Variants in ELMOD3 observed in about 807,000 individuals in gnomAD.
The protein encoded by ELMOD3 is ELMO domain-containing protein 3.
ELMOD3 carries 36 observed loss-of-function variants against 47.4 expected under a neutral mutation model. The observed-to-expected ratio is 0.76, with a 90% confidence interval of 0.58 to 1.00. The LOEUF (loss-of-function observed/expected upper bound fraction) is 1.00, where lower values mean the gene tolerates loss of function less well. ELMOD3 is among the 50% of genes least tolerant of loss of function. The probability of loss-of-function intolerance (pLI) is 0.00; values close to 1 mark genes in which losing one functional copy is unlikely to be tolerated. For missense variants in ELMOD3, 404 were observed against 463.8 expected, an observed-to-expected ratio of 0.87 and a Z score of 1.18; for synonymous variants, 149 against 183.5, an observed-to-expected ratio of 0.81 and a Z score of 1.52.
At chr2:85,364,804 C>CAT (rs1224340659) in intron 6 of ELMOD3, among the ~76,000 whole-genome samples, 4,592 of 77,756 alleles carry the variant, frequency 0.059, 269 homozygotes, top group East Asian at 0.12. Flanking sequence ...ACTTTAAATA[C>CAT]ATATATATAT....
At chr2:85,365,304 C>T (rs1053115332) in intron 6 of ELMOD3, among the ~76,000 whole-genome samples, 2 of 150,610 alleles carry the variant, frequency 1.3e-5, no homozygotes, top group African/African-American at 2.4e-5. Context: ...GAACCGAGAT[C>T]GCACCACTGC....
rs1005463896 is a variant in ELMOD3, at chr2:85,390,827, G to A, written c.1011G>A (p.Arg337=). 1 of 1,551,618 alleles carries A rather than the reference G, an allele frequency of 6.4e-7. No homozygotes were observed. The highest frequency in any genetic ancestry group is 8.7e-7 in the Non-Finnish European group (1 of 1,147,008). Residue 337 remains arginine, a synonymous_variant, in exon 14 of 14, where the codon AGG becomes AGA. Coordinates refer to ENST00000409013, the MANE Select transcript of ELMOD3 (RefSeq NM_001135022.2). ...AGACCCTGGAGCTGTACTTGGCCAGGGTGTCAAAGGGACAGGCCTCCTTGT... is the reference window on the plus strand; with the variant it reads ...AGACCCTGGAGCTGTACTTGGCCAGAGTGTCAAAGGGACAGGCCTCCTTGT... ...LLKTLELYLA[R]VSKGQASLLG...
chr2:85,356,711 T>G (rs1008396135), intron 3 of ELMOD3: 1 of 152,480 alleles, frequency 6.6e-6, no homozygotes, highest in African/African-American at 2.4e-5. Flanking sequence ...TGAAACCCCA[T>G]CTCTACTAAA....
At chr2:85,368,783 A>G (rs777327264) in intron 7 of ELMOD3, 29 bp downstream of exon 7, 55 of 1,612,844 alleles carry the variant, frequency 3.4e-5, no homozygotes, top group Middle Eastern at 1.7e-4. Flanking sequence ...CTGTCTCCCC[A>G]TAGCCCCTCT....
intron 12 of ELMOD3, 70 bp downstream of exon 12, chr2:85,389,897 T>G: frequency 7.0e-7 from 1 of 1,438,764 alleles, no homozygotes; most frequent in Non-Finnish European, 9.8e-7. Context: ...CTGGCTTAAT[T>G]TTCCCCAGCT....
chr2:85,364,952 G>A (rs144976936), intron 6 of ELMOD3, among the ~76,000 whole-genome samples: 2 of 148,006 alleles, frequency 1.4e-5, no homozygotes, highest in East Asian at 4.0e-4. Context: ...GGGACTACAG[G>A]TGTGCACTAC....
intron 11 of ELMOD3, among the ~76,000 whole-genome samples, chr2:85,383,280 C>G (rs896160877): frequency 6.6e-5 from 10 of 151,792 alleles, no homozygotes; most frequent in Non-Finnish European, 1.5e-4. Context: ...AGGCGCCCAC[C>G]ACCACGCCTG....
chr2:85,370,809 C>T (rs796359491), intron 8 of ELMOD3, among the ~76,000 whole-genome samples: 7 of 152,344 alleles, frequency 4.6e-5, no homozygotes, highest in African/African-American at 1.7e-4. Flanking sequence ...ATACCTAGTT[C>T]TGGAAAAGCC....
At chr2:85,362,736 C>G (rs1684069282) in intron 5 of ELMOD3, among the ~76,000 whole-genome samples, 1 of 152,020 alleles carries the variant, frequency 6.6e-6, no homozygotes, top group Non-Finnish European at 1.5e-5. Context: ...CTGGCCAACA[C>G]AGTGAAACTC....
intron 6 of ELMOD3, among the ~76,000 whole-genome samples, chr2:85,364,819 ATATATATT>A (rs1317798059): frequency 1.4e-3 from 127 of 88,428 alleles, no homozygotes; most frequent in African/African-American, 6.3e-3. Flanking sequence ...ATATATATAT[ATATATATT>A]TTTTTTTTTT....
intron 6 of ELMOD3, among the ~76,000 whole-genome samples, chr2:85,367,970 T>C (rs1475258309): frequency 6.6e-6 from 1 of 151,852 alleles, no homozygotes; most frequent in Non-Finnish European, 1.5e-5. Context: ...TGGAGTGCAG[T>C]GACATGATCT....
At chr2:85,366,481 G>A (rs550832726) in intron 6 of ELMOD3, among the ~76,000 whole-genome samples, 5 of 152,144 alleles carry the variant, frequency 3.3e-5, no homozygotes, top group South Asian at 2.1e-4. Context: ...CATCTCACCC[G>A]CTGCCTCTGT....
rs1431106820 is a variant in ELMOD3, at chr2:85,362,150, A to G, written c.55-36A>G. 3.3e-6 allele frequency: 4 copies of G among 1,228,082 alleles called. No individual in the cohort carries two copies. The African/African-American group carries it at 4.4e-5, about 14-fold the overall frequency. 76.1% of individuals were successfully genotyped at this position (1,228,082 alleles called of 1,614,324 possible). On this transcript the variant is annotated intron_variant, in intron 4 of 13. Coordinates refer to ENST00000409013, the MANE Select transcript of ELMOD3 (RefSeq NM_001135022.2). ...AAACTATTATCTTTGGGGGATTAAT[A>G]TGTGCCTAGGAGATTGACCCTTGTC...
At position 85,379,199 on chromosome 2, in the gene ELMOD3, G is replaced by A. The variant is rs147340756; in HGVS notation, c.738+1725G>A. ...GAAAAGAAATTTAAAACATTATTTT[G>A]TTTTGTTTTGTTTTGTTTTTTTGGA... On this transcript the variant is annotated intron_variant, in intron 11 of 13. Coordinates refer to ENST00000409013, the MANE Select transcript of ELMOD3 (RefSeq NM_001135022.2). Among the ~76,000 whole-genome samples, 8 of 152,204 alleles carry A rather than the reference G, an allele frequency of 5.3e-5. No individual in the cohort carries two copies. In the East Asian group the frequency reaches 1.5e-3, roughly 29 times the overall value.
At chr2:85,374,840 G>A (rs1476108582) in intron 10 of ELMOD3, among the ~76,000 whole-genome samples, 1 of 151,960 alleles carries the variant, frequency 6.6e-6, no homozygotes, top group Non-Finnish European at 1.5e-5. Context: ...GGCCGGGCGC[G>A]GTGGCTCATC....
intron 11 of ELMOD3, among the ~76,000 whole-genome samples, chr2:85,384,016 G>A (rs1685760958): frequency 1.3e-5 from 2 of 152,186 alleles, no homozygotes; most frequent in African/African-American, 4.8e-5. Context: ...AAAGGTGGGA[G>A]GACTGGAAGC....
At chr2:85,373,684 C>T (rs753404601) in intron 10 of ELMOD3, among the ~76,000 whole-genome samples, 23 of 151,634 alleles carry the variant, frequency 1.5e-4, no homozygotes, top group Non-Finnish European at 3.2e-4. Context: ...ACTAAAAATA[C>T]AAAAATTAGC....
At chr2:85,358,308 G>T (rs964568048) in intron 4 of ELMOD3, among the ~76,000 whole-genome samples, 1 of 150,260 alleles carries the variant, frequency 6.7e-6, no homozygotes, top group Non-Finnish European at 1.5e-5. Context: ...AATGAAAAAA[G>T]AAATATAAGA....
chr2:85,358,256 G>T (rs750101325), intron 4 of ELMOD3, among the ~76,000 whole-genome samples: 1 of 147,314 alleles, frequency 6.8e-6, no homozygotes, highest in Non-Finnish European at 1.5e-5. Context: ...TCCAGCCTGG[G>T]TGACCAAGTG....
Sources: gnomAD v4.1 joint callset for allele counts (sites outside exome capture counted in the v4.1 genomes callset) on GRCh38, gnomAD v4.1.1 for gene constraint, MANE v1.5 for transcripts, NCBI Gene and HGNC (gene_info 2026-07-23, HGNC 2026-07-21) for gene names.